ORC2: variants seen among roughly 807,000 people sequenced by gnomAD.
The protein encoded by ORC2 is origin recognition complex subunit 2, also known as origin recognition complex protein 2 homolog.
ORC2 carries 37 observed loss-of-function variants against 77.7 expected under a neutral mutation model. That is an observed-to-expected ratio of 0.48 (90% CI 0.37 to 0.63). ORC2 has a LOEUF of 0.63. Ranked by LOEUF, ORC2 falls within the 20% of genes least tolerant of loss-of-function variation. The pLI, the probability that ORC2 is intolerant of heterozygous loss-of-function variation, is 0.00. For synonymous variants in ORC2, 201 were observed against 229.5 expected (o/e 0.88, Z 1.12); for missense variants, 557 against 661.9 (o/e 0.84, Z 1.74).
At chr2:200,926,029 T>C (rs756809398) in intron 12 of ORC2, 97 bp from the exon 13 acceptor site, 10 of 511,868 alleles carry the variant, frequency 2.0e-5, no homozygotes, top group Non-Finnish European at 3.5e-5. Context: ...AAAAATGAAT[T>C]TGGATTTCCC....
intron 16 of ORC2, 100 bp from the exon 17 acceptor site, chr2:200,913,513 T>A: frequency 7.0e-7 from 1 of 1,423,814 alleles, no homozygotes; most frequent in Non-Finnish European, 9.2e-7. Flanking sequence ...GCTATTTGCA[T>A]GTTATCCCAG....
chr2:200,920,626 C>T (rs1192311519), intron 14 of ORC2, among the ~76,000 whole-genome samples: 3 of 152,138 alleles, frequency 2.0e-5, no homozygotes, highest in Non-Finnish European at 4.4e-5. Context: ...ACTACCAATG[C>T]ATTCTTTTTA....
chr2:200,955,955 T>A (rs2041457134), intron 4 of ORC2, among the ~76,000 whole-genome samples: 1 of 152,364 alleles, frequency 6.6e-6, no homozygotes, highest in South Asian at 2.1e-4. Context: ...CCAGCATCCC[T>A]GGGTTAGAAC....
chr2:200,920,662 TC>T (rs2040739936), intron 14 of ORC2, among the ~76,000 whole-genome samples: 1 of 152,224 alleles, frequency 6.6e-6, no homozygotes, highest in Non-Finnish European at 1.5e-5. Context: ...TTTAACATTT[TC>T]TTCTACAGGA....
At chr2:200,940,018 T>C (rs2041118749) in intron 7 of ORC2, among the ~76,000 whole-genome samples, 1 of 152,320 alleles carries the variant, frequency 6.6e-6, no homozygotes, top group South Asian at 2.1e-4. Flanking sequence ...ACCATGGCCT[T>C]AAATGTCTAT....
Position 200,913,369 on chromosome 2 carries a change from G to A in ORC2, c.1573C>T (p.Leu525Phe). The A allele has an allele frequency of 1.3e-6, 2 of 1,599,836 alleles. No individual in the cohort carries two copies. Among genetic ancestry groups the A allele is most frequent in the East Asian group, 2.3e-5 (1 of 43,132 alleles). The change falls in exon 17 of 18, where the codon CTC becomes TTC. Residue 525 changes from leucine to phenylalanine, a missense_variant. Leu to Phe is a conservative substitution (Grantham distance 22, BLOSUM62 0). Coordinates refer to ENST00000234296, the MANE Select transcript of ORC2 (RefSeq NM_006190.5). ...CGGAGTGTCAGATCACTATTGACGA[G>A]GAATGCCTCCCGACACTGCTGGTAA... Reference protein sequence around the residue: ...DFYQQCREAFLVNSDLTLRAQ... With the variant: ...DFYQQCREAFFVNSDLTLRAQ...
At chr2:200,932,187 CTT>C (rs1274434903) in intron 10 of ORC2, among the ~76,000 whole-genome samples, 12 of 152,174 alleles carry the variant, frequency 7.9e-5, no homozygotes, top group East Asian at 1.9e-4. Context: ...AAAAACAACT[CTT>C]ATCTCTTCTG....
intron 10 of ORC2, among the ~76,000 whole-genome samples, chr2:200,933,226 A>ATTTTT (rs1196387811): frequency 2.3e-5 from 3 of 132,118 alleles, no homozygotes; most frequent in Non-Finnish European, 3.3e-5. Flanking sequence ...ACTGTATGGT[A>ATTTTT]TTTTTTTTTT....
In ORC2 at chr2:200,952,153, T is replaced by C. The variant is rs535145535; in HGVS notation, c.239-2510A>G. 3.4e-3 allele frequency among the ~76,000 whole-genome samples: 511 copies of C among 152,206 alleles called. 1 individual carries two copies. Among genetic ancestry groups the C allele is most frequent in the African/African-American group, 0.011 (474 of 41,550 alleles). ...ACTTCTACAGTATATCTAGTTTTCA[T>C]ATATGCACAAATCTATTTATGGAGA... On this transcript the variant is annotated intron_variant, in intron 4 of 17. Coordinates refer to ENST00000234296, the MANE Select transcript of ORC2 (RefSeq NM_006190.5).
At chr2:200,913,454 A>C (rs1416706611) in intron 16 of ORC2, 41 bp from the exon 17 acceptor site, 1 of 1,541,420 alleles carries the variant, frequency 6.5e-7, no homozygotes, top group Non-Finnish European at 8.8e-7. Flanking sequence ...TCAGCACTTA[A>C]GACATGACCC....
intron 16 of ORC2, 37 bp from the exon 17 acceptor site, chr2:200,913,450 C>T: frequency 1.9e-6 from 3 of 1,545,156 alleles, no homozygotes; most frequent in Non-Finnish European, 2.6e-6. Flanking sequence ...TAAGTCAGCA[C>T]TTAAGACATG....
intron 1 of ORC2, among the ~76,000 whole-genome samples, chr2:200,960,079 G>C (rs972036955): frequency 6.6e-6 from 1 of 151,972 alleles, no homozygotes; most frequent in African/African-American, 2.4e-5. Context: ...CTGGGCTCAG[G>C]TGATCTGCCC....
chr2:200,952,969 A>G (rs1225678078), intron 4 of ORC2, among the ~76,000 whole-genome samples: 1 of 151,934 alleles, frequency 6.6e-6, no homozygotes, highest in East Asian at 1.9e-4. Context: ...AAAACTAGCC[A>G]GGCATGGTGG....
rs2040536721 is a variant in ORC2 at position 200,910,715 on chromosome 2, C to T, written c.*586G>A. On this transcript the variant is annotated 3_prime_UTR_variant, in exon 18 of 18. Transcript: ENST00000234296. ...TGAATAGTATTATAATATATTCCCT[C>T]CCCTGCCCCCACCAAGTACATAGCC... 2 of 152,838 alleles carry T rather than the reference C, an allele frequency of 1.3e-5. No individual in the cohort carries two copies. Among genetic ancestry groups the T allele is most frequent in the Admixed American group, 6.5e-5 (1 of 15,340 alleles). 9.5% of individuals were successfully genotyped at this position (152,838 alleles called of 1,614,324 possible). A position where few individuals can be genotyped will look rare whatever the true frequency, so the allele number is the denominator to read the frequency against.
intron 4 of ORC2, among the ~76,000 whole-genome samples, chr2:200,954,136 G>A (rs980294861): frequency 3.3e-5 from 5 of 151,514 alleles, no homozygotes. Context: ...GGGTTCAAGC[G>A]ATTTTCCTGC....
At position 200,952,034 on chromosome 2, in the gene ORC2, G is replaced by A. The variant is rs541377429; in HGVS notation, c.239-2391C>T. Among the ~76,000 whole-genome samples the A allele has an allele frequency of 1.7e-3, 252 of 152,008 alleles. 1 individual carries two copies. Among genetic ancestry groups the A allele is most frequent in the Non-Finnish European group, 2.7e-3 (184 of 67,966 alleles). On this transcript the variant is annotated intron_variant, in intron 4 of 17. Transcript: ENST00000234296. ...AAGGTAATTAATCTGTTTATAAAGGGAGGTAGAGGGCCTTTTTTTTAAAAT... is the reference window on the plus strand; with the variant it reads ...AAGGTAATTAATCTGTTTATAAAGGAAGGTAGAGGGCCTTTTTTTTAAAAT...
At chr2:200,923,900 T>C (rs2040799916) in intron 13 of ORC2, among the ~76,000 whole-genome samples, 1 of 152,218 alleles carries the variant, frequency 6.6e-6, no homozygotes, top group Non-Finnish European at 1.5e-5. Context: ...ATGCAAACTT[T>C]TTGCCACTCT....
chr2:200,936,391 T>C (rs2041048919), intron 8 of ORC2, among the ~76,000 whole-genome samples: 1 of 152,172 alleles, frequency 6.6e-6, no homozygotes, highest in Non-Finnish European at 1.5e-5. Context: ...CTGAGAAGGA[T>C]TTTCCTCAAT....
intron 15 of ORC2, among the ~76,000 whole-genome samples, chr2:200,917,254 C>A (rs1438557413): frequency 1.3e-5 from 2 of 152,100 alleles, no homozygotes; most frequent in African/African-American, 2.4e-5. Flanking sequence ...TTCAGCCTCT[C>A]AAAGTGCTGA....
Sources: allele counts gnomAD v4.1 joint callset (sites outside exome capture counted in the v4.1 genomes callset), GRCh38; gene constraint gnomAD v4.1.1; transcripts MANE v1.5; gene names NCBI Gene and HGNC (gene_info 2026-07-23, HGNC 2026-07-21).